Variants in DLG2 observed in about 807,000 individuals in gnomAD.
DLG2 encodes disks large homolog 2.
DLG2 carries 45 observed loss-of-function variants against 132.5 expected under a neutral mutation model. The ratio of observed to expected loss-of-function variants is 0.34; its 90% CI spans 0.27 to 0.44. The LOEUF is 0.44. Among genes scored for constraint, DLG2 ranks in the 20% least tolerant of loss-of-function variants. The probability of loss-of-function intolerance (pLI) is 1.00; values close to 1 mark genes in which losing one functional copy is unlikely to be tolerated. For synonymous variants in DLG2, 424 were observed against 419.6 expected, an observed-to-expected ratio of 1.01 and a Z score of -0.13; for missense variants, 1,045 against 1,196.9, an observed-to-expected ratio of 0.87 and a Z score of 1.87.
intron 18 of DLG2, among the ~76,000 whole-genome samples, chr11:83,695,692 T>C (rs2081787809): frequency 6.6e-6 from 1 of 152,076 alleles, no homozygotes; most frequent in Non-Finnish European, 1.5e-5. Context: ...TGAGCCGAGA[T>C]GGTGCCACTG....
Position 84,099,043 on chromosome 11 carries a change from T to A in DLG2, c.629A>T (p.Asn210Ile). Residue 210 changes from asparagine (N) to isoleucine (I), a missense_variant, in exon 10 of 28, where the codon AAT becomes ATT. Coordinates refer to ENST00000376104, the MANE Select transcript of DLG2 (RefSeq NM_001142699.3). ...EFEEITLERG[N>I]SGLGFSIAGG... ...AGCAATACTGAATCCCAGGCCAGAA[T>A]TCCCCTATAGAAACAAAAAGCAGAT... is the stretch of plus-strand genomic sequence containing the variant. 6.2e-7 allele frequency: 1 copy of A among 1,612,992 alleles called. No individual in the cohort carries two copies. The highest frequency in any genetic ancestry group is 8.5e-7 in the Non-Finnish European group (1 of 1,179,200).
chr11:85,064,081 C>A (rs187080787), intron 6 of DLG2, among the ~76,000 whole-genome samples: 6 of 151,876 alleles, frequency 4.0e-5, no homozygotes, highest in Admixed American at 3.9e-4. Context: ...GAGGACAAAA[C>A]TGAATGTCTG....
At chr11:84,400,771 T>C (rs1037460947) in intron 7 of DLG2, among the ~76,000 whole-genome samples, 2 of 152,154 alleles carry the variant, frequency 1.3e-5, no homozygotes, top group African/African-American at 4.8e-5. Flanking sequence ...ATTGCTTTTT[T>C]TGTATGTTTA....
chr11:83,709,527 A>G (rs2084899297), intron 18 of DLG2, among the ~76,000 whole-genome samples: 1 of 152,046 alleles, frequency 6.6e-6, no homozygotes, highest in Admixed American at 6.6e-5. Flanking sequence ...TTTCATTACA[A>G]TCATTACATT....
intron 6 of DLG2, among the ~76,000 whole-genome samples, chr11:84,708,803 T>A (rs1381036477): frequency 6.6e-6 from 1 of 151,754 alleles, no homozygotes; most frequent in African/African-American, 2.4e-5. Context: ...AGAGAGAAAA[T>A]GTCTCATTTT....
intron 6 of DLG2, among the ~76,000 whole-genome samples, chr11:84,994,301 C>A (rs568913589): frequency 3.9e-5 from 6 of 152,304 alleles, no homozygotes; most frequent in African/African-American, 1.4e-4. Flanking sequence ...TTTGTCATTT[C>A]ATCAAAACAG....
intron 16 of DLG2, among the ~76,000 whole-genome samples, chr11:83,861,354 A>G (rs2061426606): frequency 6.6e-6 from 1 of 152,206 alleles, no homozygotes; most frequent in South Asian, 2.1e-4. Flanking sequence ...GAGCTATCAT[A>G]TGATCCAGCA....
At chr11:85,506,029 G>A (rs950341194) in intron 3 of DLG2, among the ~76,000 whole-genome samples, 1 of 152,192 alleles carries the variant, frequency 6.6e-6, no homozygotes, top group Non-Finnish European at 1.5e-5. Context: ...AGTATTCTCT[G>A]ATGGTAGTTT....
At chr11:83,748,348 T>C (rs917019617) in intron 18 of DLG2, among the ~76,000 whole-genome samples, 4 of 152,210 alleles carry the variant, frequency 2.6e-5, no homozygotes, top group Non-Finnish European at 5.9e-5. Flanking sequence ...TATAATCAAC[T>C]GGACATTTTC....
intron 4 of DLG2, among the ~76,000 whole-genome samples, chr11:85,267,981 T>C (rs559375829): frequency 8.3e-4 from 126 of 152,290 alleles, no homozygotes; most frequent in Admixed American, 1.5e-3. Flanking sequence ...TGAATATGTT[T>C]GCCAATGGCA....
chr11:84,308,590 G>C (rs910326032), intron 7 of DLG2, among the ~76,000 whole-genome samples: 1 of 152,190 alleles, frequency 6.6e-6, no homozygotes, highest in Admixed American at 6.5e-5. Flanking sequence ...ACTGGGTGCC[G>C]TGGAGCAGGG....
chr11:84,298,246 G>T (rs369983514), intron 7 of DLG2, among the ~76,000 whole-genome samples: 2 of 152,082 alleles, frequency 1.3e-5, no homozygotes, highest in South Asian at 4.1e-4. Flanking sequence ...GAACATGGGC[G>T]TTTCCATTCA....
chr11:84,640,292 T>A (rs530386798), intron 6 of DLG2: 1 of 336,262 alleles, frequency 3.0e-6, no homozygotes, highest in Admixed American at 3.8e-5. Context: ...TCCCTATCAA[T>A]GTCGTTATCT....
At chr11:85,187,642 T>C (rs2080210304) in intron 4 of DLG2, among the ~76,000 whole-genome samples, 1 of 152,074 alleles carries the variant, frequency 6.6e-6, no homozygotes, top group African/African-American at 2.4e-5. Context: ...AGAGTGGAAA[T>C]TAGTGTCAGC....
intron 7 of DLG2, among the ~76,000 whole-genome samples, chr11:84,326,625 G>A (rs1040314127): frequency 6.6e-6 from 1 of 152,146 alleles, no homozygotes; most frequent in Non-Finnish European, 1.5e-5. Context: ...GTTAAGAGTT[G>A]TTTTGAGACC....
At chr11:84,802,639 C>CAA (rs1295934007) in intron 6 of DLG2, among the ~76,000 whole-genome samples, 73 of 88,016 alleles carry the variant, frequency 8.3e-4, no homozygotes, top group East Asian at 3.0e-3. Flanking sequence ...AACAAGTCAG[C>CAA]AAAAAAAAAA....
intron 10 of DLG2, among the ~76,000 whole-genome samples, chr11:84,088,835 T>C (rs574284333): frequency 6.6e-6 from 1 of 152,304 alleles, no homozygotes; most frequent in East Asian, 1.9e-4. Context: ...AGCGCTGGTA[T>C]CATTTATACT....
intron 7 of DLG2, among the ~76,000 whole-genome samples, chr11:84,395,198 G>T (rs574275283): frequency 6.6e-6 from 1 of 150,438 alleles, no homozygotes; most frequent in Admixed American, 6.6e-5. Flanking sequence ...TCAGCTGGGC[G>T]GTTTTTACAA....
intron 18 of DLG2, among the ~76,000 whole-genome samples, chr11:83,704,196 T>A (rs926200510): frequency 2.0e-5 from 3 of 152,164 alleles, no homozygotes; most frequent in African/African-American, 7.2e-5. Flanking sequence ...AAAGAGTGCA[T>A]CTGAAAACAT....
Sources: gnomAD v4.1 joint callset for allele counts (sites outside exome capture counted in the v4.1 genomes callset) on GRCh38, gnomAD v4.1.1 for gene constraint, MANE v1.5 for transcripts, NCBI Gene and HGNC (gene_info 2026-07-23, HGNC 2026-07-21) for gene names.